Variants in SBF2 observed in about 807,000 individuals in gnomAD.
SBF2 encodes myotubularin-related protein 13.
A neutral mutation model predicts 225.2 loss-of-function variants in SBF2; 112 were observed. That is an observed-to-expected ratio of 0.50 (90% CI 0.43 to 0.58). The LOEUF (loss-of-function observed/expected upper bound fraction) is 0.58. Among genes scored for constraint, SBF2 ranks in the 20% least tolerant of loss-of-function variants. The pLI is 0.00. For missense variants in SBF2, 1,996 were observed against 2,206.2 expected, an observed-to-expected ratio of 0.90 and a Z score of 1.91; for synonymous variants, 763 against 773.3, an observed-to-expected ratio of 0.99 and a Z score of 0.22.
intron 1 of SBF2, among the ~76,000 whole-genome samples, chr11:10,200,320 A>G (rs11820224): frequency 0.011 from 1,617 of 152,328 alleles, 33 homozygotes; most frequent in African/African-American, 0.037. Context: ...ATATACCAGT[A>G]TGAGTAGGTG....
At chr11:10,100,447 C>T (rs922090174) in intron 2 of SBF2, among the ~76,000 whole-genome samples, 2 of 152,222 alleles carry the variant, frequency 1.3e-5, no homozygotes, top group African/African-American at 4.8e-5. Context: ...GGGGCTGATT[C>T]TGGCAATCTC....
rs941542292 is a variant in SBF2, at chr11:9,790,583, A to G, written c.4671T>C (p.Asn1557=). ...CTATTTCCAATGGTGAATATAAATA[A>G]TTAAAGAAAATGGGACTCCTCTTGT... ...RMHKRSPIFF[N]YLYSPLEIEA... The change falls in exon 34 of 40, where the codon AAT becomes AAC. Residue 1557 remains asparagine, a synonymous_variant. Coordinates refer to ENST00000256190, the MANE Select transcript of SBF2 (RefSeq NM_030962.4). 5 of 1,583,904 alleles carry G rather than the reference A, an allele frequency of 3.2e-6. No individual in the cohort carries two copies. The highest frequency in any genetic ancestry group is 4.3e-6 in the Non-Finnish European group (5 of 1,155,488).
chr11:10,099,160 A>G (rs576217497), intron 2 of SBF2, among the ~76,000 whole-genome samples: 1 of 152,300 alleles, frequency 6.6e-6, no homozygotes, highest in East Asian at 1.9e-4. Context: ...ACACTAAGAC[A>G]TGTGCTAATC....
chr11:10,012,328 G>A (rs1402099129), intron 6 of SBF2, among the ~76,000 whole-genome samples: 3 of 152,082 alleles, frequency 2.0e-5, no homozygotes, highest in Non-Finnish European at 4.4e-5. Context: ...ATTTTGTAGA[G>A]ATGAGTTCTC....
At chr11:9,927,839 C>A (rs181969684) in intron 16 of SBF2, among the ~76,000 whole-genome samples, 32 of 152,266 alleles carry the variant, frequency 2.1e-4, no homozygotes, top group African/African-American at 7.7e-4. Context: ...TAAATCTATA[C>A]TATTTTTCAC....
rs193192187 is a variant in SBF2 at position 10,091,433 on chromosome 11, T to C, written c.142-48452A>G. ...ACACTATAACCTATATTCAATTTTC[T>C]TATACACCAGCTTGTCACCATAACA... On this transcript the variant is annotated intron_variant, in intron 2 of 39. Transcript: ENST00000256190. Among the ~76,000 whole-genome samples, 26 of 152,310 alleles carry C rather than the reference T, an allele frequency of 1.7e-4. No individual in the cohort carries two copies. The East Asian group carries it at 5.0e-3, about 29-fold the overall frequency.
At chr11:9,807,937 A>G in intron 32 of SBF2, 63 bp downstream of exon 32, 1 of 1,434,424 alleles carries the variant, frequency 7.0e-7, no homozygotes, top group Non-Finnish European at 9.8e-7. Context: ...GCAATGCTCC[A>G]TCAATGCTAG....
intron 1 of SBF2, among the ~76,000 whole-genome samples, chr11:10,265,370 G>A (rs1961874722): frequency 6.6e-6 from 1 of 151,600 alleles, no homozygotes; most frequent in Admixed American, 6.6e-5. Flanking sequence ...CATGTTGGCT[G>A]CATAAATGTC....
intron 13 of SBF2, among the ~76,000 whole-genome samples, chr11:9,969,820 C>T (rs1397151056): frequency 6.6e-6 from 1 of 152,202 alleles, no homozygotes; most frequent in Non-Finnish European, 1.5e-5. Context: ...AATAAAGCTC[C>T]ATGAGAGTAG....
chr11:10,080,111 G>C (rs1255098362), intron 2 of SBF2, among the ~76,000 whole-genome samples: 3 of 151,858 alleles, frequency 2.0e-5, no homozygotes, highest in East Asian at 3.9e-4. Context: ...AGCCAGGCCT[G>C]GTAGTGTGTG....
chr11:10,266,117 T>C (rs1210207410), intron 1 of SBF2, among the ~76,000 whole-genome samples: 1 of 152,214 alleles, frequency 6.6e-6, no homozygotes, highest in Non-Finnish European at 1.5e-5. Context: ...AGGCAGCTAC[T>C]ACTCATACTT....
At position 9,880,084 on chromosome 11, in the gene SBF2, T is replaced by TAAAAAA. The variant is rs58140393; in HGVS notation, c.1929+15853_1929+15858dup. 4.0e-4 allele frequency among the ~76,000 whole-genome samples: 21 copies of TAAAAAA among 51,994 alleles called. 2 individuals are homozygous for TAAAAAA. The highest frequency in any genetic ancestry group is 6.1e-4 in the African/African-American group (8 of 13,100). The allele number at this position is 51,994 out of a possible 152,430, so 34.1% of individuals were successfully genotyped here. ...GGACAATGAGTGAGACTCTGTCTCA[T>TAAAAAA]AAAAAAAAAAAAAAAAAAAAAAAAA... On this transcript the variant is annotated intron_variant, in intron 17 of 39. Transcript: ENST00000256190.
intron 16 of SBF2, among the ~76,000 whole-genome samples, chr11:9,927,205 CA>C (rs748157656): frequency 2.0e-5 from 3 of 152,196 alleles, no homozygotes; most frequent in Non-Finnish European, 2.9e-5. Flanking sequence ...ATAAATAACC[CA>C]AATACATTAC....
chr11:10,006,622 A>ATG (rs1398565870), intron 6 of SBF2, among the ~76,000 whole-genome samples: 1 of 152,156 alleles, frequency 6.6e-6, no homozygotes, highest in East Asian at 1.9e-4. Flanking sequence ...TTACCACTTT[A>ATG]TGTTAAGAAG....
chr11:10,225,818 T>C (rs1011931108), intron 1 of SBF2, among the ~76,000 whole-genome samples: 2 of 152,302 alleles, frequency 1.3e-5, no homozygotes, highest in Admixed American at 1.3e-4. Flanking sequence ...AAAAGTTAAA[T>C]TGACTGACAA....
intron 1 of SBF2, among the ~76,000 whole-genome samples, chr11:10,213,485 TC>T (rs1468162892): frequency 6.6e-6 from 1 of 152,232 alleles, no homozygotes; most frequent in Non-Finnish European, 1.5e-5. Flanking sequence ...ATTCCTCCTT[TC>T]CTGGTCCAGC....
intron 9 of SBF2, among the ~76,000 whole-genome samples, chr11:9,995,369 C>T (rs1261184776): frequency 1.3e-5 from 2 of 152,080 alleles, no homozygotes; most frequent in Non-Finnish European, 2.9e-5. Context: ...TGATGCTATG[C>T]TGAGAATAGA....
At chr11:10,290,611 G>C (rs1468636557) in intron 1 of SBF2, among the ~76,000 whole-genome samples, 1 of 152,102 alleles carries the variant, frequency 6.6e-6, no homozygotes, top group Non-Finnish European at 1.5e-5. Flanking sequence ...GTGAAGATGG[G>C]AGACTGAACA....
chr11:10,055,090 CG>C (rs1950204872), intron 2 of SBF2, among the ~76,000 whole-genome samples: 4 of 151,914 alleles, frequency 2.6e-5, no homozygotes, highest in Admixed American at 2.6e-4. Flanking sequence ...TTAGTAAAGA[CG>C]GGGTTTTACC....
Sources: allele counts gnomAD v4.1 joint callset (sites outside exome capture counted in the v4.1 genomes callset), GRCh38; gene constraint gnomAD v4.1.1; transcripts MANE v1.5; gene names NCBI Gene and HGNC (gene_info 2026-07-23, HGNC 2026-07-21).